Variants in ATXN10 observed in about 807,000 individuals in gnomAD.
ATXN10 encodes the protein ataxin-10.
A neutral mutation model predicts 52.9 loss-of-function variants in ATXN10; 28 were observed. That is an observed-to-expected ratio of 0.53 (90% CI 0.39 to 0.73). The LOEUF is 0.73. Ranked by LOEUF, ATXN10 falls within the 30% of genes least tolerant of loss-of-function variation. The probability of loss-of-function intolerance (pLI) is 0.00; values close to 1 mark genes in which losing one functional copy is unlikely to be tolerated. For synonymous variants in ATXN10, 226 were observed against 221.5 expected, an observed-to-expected ratio of 1.02 and a Z score of -0.18; for missense variants, 565 against 577.0, an observed-to-expected ratio of 0.98 and a Z score of 0.21.
rs921809502 is a variant in ATXN10 at position 45,766,332 on chromosome 22, G to A, written c.1173+25794G>A. On this transcript the variant is annotated intron_variant, in intron 9 of 11. Transcript: ENST00000252934. This position sits in a 1 kb window ranked among gnomAD's most constrained non-coding sequence, Gnocchi z 4.6. ...GAATACTGTTGTGAACTGTGCATGC[G>A]AGGGATCTAGGTTGCAAGCTGTCTA... is the stretch of plus-strand genomic sequence containing the variant. Among the ~76,000 whole-genome samples, 1 of 152,158 alleles carries A rather than the reference G, an allele frequency of 6.6e-6. No homozygotes were observed. The highest frequency in any genetic ancestry group is 2.4e-5 in the African/African-American group (1 of 41,426).
intron 9 of ATXN10, among the ~76,000 whole-genome samples, chr22:45,753,887 G>A (rs968616309): frequency 6.6e-6 from 1 of 152,074 alleles, no homozygotes; most frequent in Non-Finnish European, 1.5e-5. Context: ...AGCCTGTGAT[G>A]GGGTCCCATC....
In ATXN10 at chr22:45,762,191, G is replaced by A. The variant is rs953734965; in HGVS notation, c.1173+21653G>A. Among the ~76,000 whole-genome samples the A allele has an allele frequency of 7.2e-5, 11 of 152,232 alleles. No homozygotes were observed. Among genetic ancestry groups the A allele is most frequent in the South Asian group, 2.1e-4 (1 of 4,828 alleles). ...GGAAGTCAGTCTCTGTCCCCTGTGC[G>A]TTTCCGAGACTGTGTTTCTATTTAT... On this transcript the variant is annotated intron_variant, in intron 9 of 11. Coordinates refer to ENST00000252934, the MANE Select transcript of ATXN10 (RefSeq NM_013236.4). This position sits in a 1 kb window ranked among gnomAD's most constrained non-coding sequence, Gnocchi z 4.3.
In ATXN10 at chr22:45,683,906, C is replaced by T. The variant is rs566225766; in HGVS notation, c.117-5806C>T. ...TCTTTTCCAGTGGTTGACTTTCTGC[C>T]TCTGTGCTAATTTCACCTTTTCTTA... On this transcript the variant is annotated intron_variant, in intron 1 of 11. Transcript: ENST00000252934. The surrounding 1 kb of genome is among the most constrained non-coding windows in gnomAD (Gnocchi z 4.8). 1.2e-4 allele frequency among the ~76,000 whole-genome samples: 18 copies of T among 152,266 alleles called. No homozygotes were observed. In the South Asian group the frequency reaches 3.5e-3, roughly 30 times the overall value.
chr22:45,749,834 C>T (rs547350226), intron 9 of ATXN10, among the ~76,000 whole-genome samples: 16 of 151,792 alleles, frequency 1.1e-4, no homozygotes, highest in South Asian at 6.3e-4. Context: ...CCAAAGTGCT[C>T]GGATTACAGG....
chr22:45,816,465 G>A lies in ATXN10; in HGVS notation c.1237+9443G>A, dbSNP rs190211949. Among the ~76,000 whole-genome samples the A allele has an allele frequency of 1.1e-3, 168 of 152,216 alleles. No homozygotes were observed. Among genetic ancestry groups the A allele is most frequent in the Non-Finnish European group, 1.5e-3 (100 of 68,022 alleles). On this transcript the variant is annotated intron_variant, in intron 10 of 11. Coordinates refer to ENST00000252934, the MANE Select transcript of ATXN10 (RefSeq NM_013236.4). This position sits in a 1 kb window ranked among gnomAD's most constrained non-coding sequence, Gnocchi z 5.8. The stretch of plus-strand genomic sequence containing the variant: ...AGTGAGCTGAGTGCCTCCATTTGGC[G>A]TGTTATAGTTGGGTTGGGTGGCTGT...
At chr22:45,814,511 G>T (rs1170176309) in intron 10 of ATXN10, among the ~76,000 whole-genome samples, 1 of 152,200 alleles carries the variant, frequency 6.6e-6, no homozygotes, top group African/African-American at 2.4e-5. Flanking sequence ...AATACATGAT[G>T]GTGGGATGTA....
chr22:45,771,596 T>C (rs917792255), intron 9 of ATXN10, among the ~76,000 whole-genome samples: 1 of 152,010 alleles, frequency 6.6e-6, no homozygotes, highest in Non-Finnish European at 1.5e-5. Context: ...TTTGTATTTT[T>C]AGTAGAGACA....
Position 45,768,510 on chromosome 22 carries a change from A to C in ATXN10, c.1173+27972A>C, listed in dbSNP as rs146864312. 3.3e-3 allele frequency among the ~76,000 whole-genome samples: 498 copies of C among 152,372 alleles called. 4 individuals carry two copies. The highest frequency in any genetic ancestry group is 0.012 in the African/African-American group (479 of 41,592). On this transcript the variant is annotated intron_variant, in intron 9 of 11. Transcript: ENST00000252934. Reference sequence around the variant, plus strand: ...GCAGTAAGTATAATACCACGTGTGAAGTTTTCTTGCTAAAACAAATTAATT... The same window carrying C: ...GCAGTAAGTATAATACCACGTGTGACGTTTTCTTGCTAAAACAAATTAATT...
chr22:45,740,386 C>T lies in ATXN10; in HGVS notation c.1021C>T (p.His341Tyr), dbSNP rs751577513. The change falls in exon 9 of 12, where the codon CAT (histidine) becomes TAT (tyrosine). Residue 341 changes from histidine (H) to tyrosine (Y), a missense_variant. Physicochemically the swap from His to Tyr is moderately conservative, Grantham distance 83. Coordinates refer to ENST00000252934, the MANE Select transcript of ATXN10 (RefSeq NM_013236.4). ...GGTTATAGATCTTTTGCGGGTGATT[C>T]ATGTAGCTGGAAAAGAAACCACAAA... is the stretch of plus-strand genomic sequence containing the variant. Reference protein sequence around the residue: ...ERVIDLLRVIHVAGKETTNIF... With the variant: ...ERVIDLLRVIYVAGKETTNIF... 3.7e-6 allele frequency: 6 copies of T among 1,613,716 alleles called. No individual in the cohort carries two copies. The highest frequency in any genetic ancestry group is 2.2e-5 in the East Asian group (1 of 44,846).
intron 9 of ATXN10, among the ~76,000 whole-genome samples, chr22:45,800,129 C>T (rs922319978): frequency 1.3e-5 from 2 of 151,998 alleles, no homozygotes. Context: ...TAAATTGTAT[C>T]TCATCTATAT....
chr22:45,840,794 T>C lies in ATXN10; in HGVS notation c.1238-2197T>C, dbSNP rs1569085327. On this transcript the variant is annotated intron_variant, in intron 10 of 11. Transcript: ENST00000252934. The surrounding 1 kb of genome is among the most constrained non-coding windows in gnomAD (Gnocchi z 5.8). ...AATTTCAGCTTTCCTACTTTAATTATATTTAAGTGAATAACCAGGACGTTT... is the reference window on the plus strand; with the variant it reads ...AATTTCAGCTTTCCTACTTTAATTACATTTAAGTGAATAACCAGGACGTTT... Among the ~76,000 whole-genome samples the C allele has an allele frequency of 6.6e-6, 1 of 152,220 alleles. No homozygotes were observed. Among genetic ancestry groups the C allele is most frequent in the Admixed American group, 6.5e-5 (1 of 15,282 alleles).
intron 10 of ATXN10, among the ~76,000 whole-genome samples, chr22:45,839,562 G>T (rs148706708): frequency 6.6e-6 from 1 of 152,128 alleles, no homozygotes; most frequent in African/African-American, 2.4e-5. Context: ...TATATAAAGC[G>T]GGCATTGTGT....
At chr22:45,797,741 A>T (rs1927793526) in intron 9 of ATXN10, among the ~76,000 whole-genome samples, 1 of 152,242 alleles carries the variant, frequency 6.6e-6, no homozygotes, top group Non-Finnish European at 1.5e-5. Context: ...AGAGTGGAGA[A>T]AGTCCATGTA....
intron 9 of ATXN10, among the ~76,000 whole-genome samples, chr22:45,746,372 T>A (rs927785699): frequency 2.8e-4 from 42 of 151,566 alleles, no homozygotes; most frequent in African/African-American, 1.0e-3. Context: ...TGTTAAATCA[T>A]GAAAAACTGA....
chr22:45,794,039 T>C (rs1927617780), intron 9 of ATXN10, among the ~76,000 whole-genome samples: 1 of 152,200 alleles, frequency 6.6e-6, no homozygotes. Context: ...CAGAAATTTC[T>C]AGGAAAAGGG....
rs1169660768 is a variant in ATXN10, at chr22:45,728,766, CTT to C, written c.729-658_729-657del. 1.3e-5 allele frequency among the ~76,000 whole-genome samples: 2 copies of C among 152,110 alleles called. No homozygotes were observed. Among genetic ancestry groups the C allele is most frequent in the Non-Finnish European group, 2.9e-5 (2 of 68,024 alleles). On this transcript the variant is annotated intron_variant, in intron 6 of 11. Coordinates refer to ENST00000252934, the MANE Select transcript of ATXN10 (RefSeq NM_013236.4). The surrounding 1 kb of genome is among the most constrained non-coding windows in gnomAD (Gnocchi z 4.3). ...TTGAAAAGAAATATTTATTTGGTAA[CTT>C]ATATATTGATGTAAAAATGGCACAG...
Position 45,843,221 on chromosome 22 carries a change from A to G in ATXN10, c.1425+43A>G. 1 of 1,604,504 alleles carries G rather than the reference A, an allele frequency of 6.2e-7. No individual in the cohort carries two copies. Among genetic ancestry groups the G allele is most frequent in the Non-Finnish European group, 8.5e-7 (1 of 1,171,886 alleles). On this transcript the variant is annotated intron_variant, in intron 11 of 11. Coordinates refer to ENST00000252934, the MANE Select transcript of ATXN10 (RefSeq NM_013236.4). This position sits in a 1 kb window ranked among gnomAD's most constrained non-coding sequence, Gnocchi z 4.5. ...AACTGTCCTTCCCTTTGGTTTGTAG[A>G]AAGCTGTTTCCACTTCCCCATTGCT... is the stretch of plus-strand genomic sequence containing the variant.
At chr22:45,711,168 A>C (rs961782465) in intron 5 of ATXN10, among the ~76,000 whole-genome samples, 1 of 152,182 alleles carries the variant, frequency 6.6e-6, no homozygotes, top group African/African-American at 2.4e-5. Flanking sequence ...GAATCAAACT[A>C]AAATACTATT....
intron 9 of ATXN10, among the ~76,000 whole-genome samples, chr22:45,791,445 A>G (rs1927506541): frequency 6.6e-6 from 1 of 152,158 alleles, no homozygotes; most frequent in Non-Finnish European, 1.5e-5. Flanking sequence ...TTTCTGACAC[A>G]TAGCCTTTTT....
Sources: allele counts gnomAD v4.1 joint callset (sites outside exome capture counted in the v4.1 genomes callset), GRCh38; gene constraint gnomAD v4.1.1; non-coding constraint Gnocchi (gnomAD v3.1); transcripts MANE v1.5; gene names NCBI Gene and HGNC (gene_info 2026-07-23, HGNC 2026-07-21).